The following BNC2 variants were observed in gnomAD, a reference collection of about 807,000 sequenced individuals.
BNC2 encodes the protein zinc finger protein basonuclin-2.
BNC2 carries 20 observed loss-of-function variants against 76.3 expected under a neutral mutation model. The ratio of observed to expected loss-of-function variants is 0.26; its 90% CI spans 0.18 to 0.38. BNC2 has a LOEUF of 0.38. BNC2 is among the 10% of genes least tolerant of loss of function. BNC2 has a pLI of 1.00. For missense variants in BNC2, 1,382 were observed against 1,399.8 expected, an observed-to-expected ratio of 0.99 and a Z score of 0.20; for synonymous variants, 582 against 514.8, an observed-to-expected ratio of 1.13 and a Z score of -1.77.
At chr9:16,612,106 A>T (rs1820565321) in intron 3 of BNC2, among the ~76,000 whole-genome samples, 1 of 151,994 alleles carries the variant, frequency 6.6e-6, no homozygotes, top group Admixed American at 6.5e-5. Context: ...TCTAAGCTCA[A>T]ATTGTGAATT....
chr9:16,750,641 T>C (rs547580499), intron 1 of BNC2, among the ~76,000 whole-genome samples: 3 of 152,236 alleles, frequency 2.0e-5, no homozygotes, highest in Non-Finnish European at 4.4e-5. Flanking sequence ...TCCTTCTTAC[T>C]TAGGTCCCAA....
chr9:16,567,312 A>T (rs1040014823), intron 4 of BNC2, among the ~76,000 whole-genome samples: 1 of 152,098 alleles, frequency 6.6e-6, no homozygotes, highest in African/African-American at 2.4e-5. Flanking sequence ...AATGGGTAAT[A>T]AATGTAAAGT....
intron 1 of BNC2, among the ~76,000 whole-genome samples, chr9:16,759,649 G>A (rs1383661372): frequency 4.0e-5 from 6 of 151,802 alleles, no homozygotes; most frequent in Non-Finnish European, 7.4e-5. Flanking sequence ...AATCTGTGAA[G>A]GCATTCTACA....
intron 5 of BNC2, among the ~76,000 whole-genome samples, chr9:16,527,744 A>C (rs1817854279): frequency 6.6e-6 from 1 of 152,224 alleles, no homozygotes; most frequent in African/African-American, 2.4e-5. Context: ...CCTACTGCTA[A>C]GCATTACACG....
chr9:16,561,941 G>A (rs1819029765), intron 4 of BNC2, among the ~76,000 whole-genome samples: 1 of 152,104 alleles, frequency 6.6e-6, no homozygotes, highest in African/African-American at 2.4e-5. Context: ...GGAGGTCGAA[G>A]CTGCAGTGAG....
chr9:16,456,244 A>G (rs7863925), intron 5 of BNC2, among the ~76,000 whole-genome samples: 14,214 of 152,138 alleles, frequency 0.093, 1,902 homozygotes, highest in African/African-American at 0.29. Flanking sequence ...CATTTTTGTC[A>G]CCTAATCTTT....
At chr9:16,520,666 T>C (rs998647106) in intron 5 of BNC2, among the ~76,000 whole-genome samples, 1 of 152,186 alleles carries the variant, frequency 6.6e-6, no homozygotes, top group African/African-American at 2.4e-5. Flanking sequence ...CTAAGTAATT[T>C]ATCTGAATCC....
intron 1 of BNC2, among the ~76,000 whole-genome samples, chr9:16,836,046 C>T (rs965676685): frequency 3.9e-5 from 6 of 152,112 alleles, no homozygotes; most frequent in Non-Finnish European, 7.3e-5. Flanking sequence ...GGTTATAACA[C>T]GAGGTAGTGA....
intron 3 of BNC2, among the ~76,000 whole-genome samples, chr9:16,630,599 A>G (rs1821131824): frequency 6.6e-6 from 1 of 152,168 alleles, no homozygotes; most frequent in South Asian, 2.1e-4. Context: ...GCATGTATAA[A>G]CTACACATAG....
At position 16,418,873 on chromosome 9, in the gene BNC2, GCACACACACACACA is replaced by G. The variant is rs3223265; in HGVS notation, c.*102_*115del. The stretch of plus-strand genomic sequence containing the variant: ...ATGTAGCCACAGAGCATACATAAAT[GCACACACACACACA>G]CACACACACACACCCCAAGTACATA... On this transcript the variant is annotated 3_prime_UTR_variant, in exon 7 of 7. Coordinates refer to ENST00000380672, the MANE Select transcript of BNC2 (RefSeq NM_017637.6). 1.6e-5 allele frequency: 14 copies of G among 880,998 alleles called. No homozygotes were observed. Among genetic ancestry groups the G allele is most frequent in the African/African-American group, 3.6e-5 (2 of 56,192 alleles). 54.6% of individuals were successfully genotyped at this position (880,998 alleles called of 1,614,324 possible).
chr9:16,864,550 CA>C (rs976158306), intron 1 of BNC2, among the ~76,000 whole-genome samples: 4 of 152,152 alleles, frequency 2.6e-5, no homozygotes, highest in Non-Finnish European at 5.9e-5. Flanking sequence ...GCCTGTTAAG[CA>C]AAATTCCTTC....
intron 1 of BNC2, among the ~76,000 whole-genome samples, chr9:16,866,659 C>CT (rs59077570): frequency 1.6e-5 from 2 of 127,536 alleles, no homozygotes; most frequent in East Asian, 4.7e-4. Flanking sequence ...GCTTCTGTCA[C>CT]TTTTAAAAAA....
chr9:16,673,259 CTTTA>C (rs754629186), intron 3 of BNC2, among the ~76,000 whole-genome samples: 11 of 152,074 alleles, frequency 7.2e-5, no homozygotes, highest in Non-Finnish European at 1.6e-4. Flanking sequence ...AAAACTTTCT[CTTTA>C]TTTGAGACCC....
chr9:16,665,477 A>AGAAAGAAG (rs1563888042), intron 3 of BNC2, among the ~76,000 whole-genome samples: 6 of 143,824 alleles, frequency 4.2e-5, no homozygotes, highest in Admixed American at 1.4e-4. Flanking sequence ...AAAGAAAGAA[A>AGAAAGAAG]GAAAGAAAGA....
At chr9:16,477,773 G>A (rs1347038092) in intron 5 of BNC2, among the ~76,000 whole-genome samples, 4 of 152,130 alleles carry the variant, frequency 2.6e-5, no homozygotes, top group Non-Finnish European at 5.9e-5. Context: ...ATCAAGAGGT[G>A]TTTTTTCTTG....
chr9:16,838,081 G>C (rs993148693), intron 1 of BNC2, among the ~76,000 whole-genome samples: 2 of 152,208 alleles, frequency 1.3e-5, no homozygotes, highest in South Asian at 2.1e-4. Flanking sequence ...AGCTATGCAA[G>C]TCTGATGGCT....
At chr9:16,599,464 C>A (rs1316493580) in intron 3 of BNC2, among the ~76,000 whole-genome samples, 1 of 152,162 alleles carries the variant, frequency 6.6e-6, no homozygotes, top group Non-Finnish European at 1.5e-5. Context: ...GAATGGTTCC[C>A]TCAACTTGTC....
At chr9:16,682,174 G>T (rs952555019) in intron 3 of BNC2, among the ~76,000 whole-genome samples, 1 of 151,430 alleles carries the variant, frequency 6.6e-6, no homozygotes, top group African/African-American at 2.4e-5. Flanking sequence ...TCATACTGTT[G>T]TTAAAAAATA....
At chr9:16,751,618 G>GTA (rs147548138) in intron 1 of BNC2, among the ~76,000 whole-genome samples, 27,740 of 72,764 alleles carry the variant, frequency 0.38, 3,709 homozygotes, top group East Asian at 0.73. Flanking sequence ...ATATATATGT[G>GTA]TATATATATA....
Sources: allele counts gnomAD v4.1 joint callset (sites outside exome capture counted in the v4.1 genomes callset), GRCh38; gene constraint gnomAD v4.1.1; transcripts MANE v1.5; gene names NCBI Gene and HGNC (gene_info 2026-07-23, HGNC 2026-07-21).